Variants in EML6 observed in about 807,000 individuals in gnomAD.
The protein encoded by EML6 is echinoderm microtubule-associated protein-like 6.
EML6 carries 154 observed loss-of-function variants against 240.1 expected under a neutral mutation model. The ratio of observed to expected loss-of-function variants is 0.64; its 90% confidence interval spans 0.56 to 0.73. EML6 has a LOEUF of 0.73. Among genes scored for constraint, EML6 ranks in the 30% least tolerant of loss-of-function variants. EML6 has a pLI of 0.00. For missense variants in EML6, 2,964 were observed against 2,474.6 expected (o/e 1.20, Z -4.20); for synonymous variants, 1,148 against 899.0 (o/e 1.28, Z -4.95).
At chr2:54,787,590 C>A (rs912039403) in intron 2 of EML6, among the ~76,000 whole-genome samples, 1 of 152,058 alleles carries the variant, frequency 6.6e-6, no homozygotes, top group Non-Finnish European at 1.5e-5. Context: ...AGTAATTGAT[C>A]GATAAATAGT....
chr2:54,904,296 G>C (rs1360721670), intron 24 of EML6, among the ~76,000 whole-genome samples: 2 of 152,146 alleles, frequency 1.3e-5, no homozygotes, highest in Admixed American at 6.5e-5. Context: ...TTGCACTATA[G>C]GGTGAGTCAC....
intron 13 of EML6, among the ~76,000 whole-genome samples, chr2:54,865,320 A>AC (rs1650946509): frequency 1.6e-5 from 1 of 63,400 alleles, no homozygotes; most frequent in African/African-American, 7.9e-5. Flanking sequence ...CTCTGTATCT[A>AC]CAAAAAAAAA....
intron 36 of EML6, among the ~76,000 whole-genome samples, chr2:54,963,248 G>A (rs941170947): frequency 3.3e-5 from 5 of 152,220 alleles, no homozygotes; most frequent in Admixed American, 2.6e-4. Flanking sequence ...TGGCTGGTAA[G>A]TGTTTGTTGT....
At chr2:54,952,288 C>G (rs1197151739) in intron 30 of EML6, among the ~76,000 whole-genome samples, 3 of 152,174 alleles carry the variant, frequency 2.0e-5, no homozygotes, top group Non-Finnish European at 4.4e-5. Context: ...TCATTGTGGA[C>G]TCTGGAAACC....
intron 25 of EML6, among the ~76,000 whole-genome samples, chr2:54,913,154 C>G (rs1673733706): frequency 6.9e-6 from 1 of 144,136 alleles, no homozygotes. Flanking sequence ...ATTAGCATTT[C>G]TCCAATGATT....
At chr2:54,927,690 C>T (rs1317446657) in intron 26 of EML6, among the ~76,000 whole-genome samples, 1 of 152,182 alleles carries the variant, frequency 6.6e-6, no homozygotes. Flanking sequence ...GGGCACACCA[C>T]TCCAAAAAGC....
chr2:54,929,530 T>C (rs1310123659), intron 28 of EML6, among the ~76,000 whole-genome samples: 1 of 152,238 alleles, frequency 6.6e-6, no homozygotes, highest in Non-Finnish European at 1.5e-5. Flanking sequence ...CTGTTGGCTG[T>C]TCACATTGAG....
intron 33 of EML6, 101 bp downstream of exon 33, chr2:54,958,099 C>A: frequency 2.0e-6 from 2 of 1,014,986 alleles, no homozygotes; most frequent in Non-Finnish European, 2.8e-6. Context: ...CTGAAAACAG[C>A]AGGAAAGCCA....
chr2:54,812,399 T>C (rs1442697877), intron 2 of EML6, among the ~76,000 whole-genome samples: 1 of 152,182 alleles, frequency 6.6e-6, no homozygotes, highest in Non-Finnish European at 1.5e-5. Flanking sequence ...TTGTATTTGT[T>C]GATTGTATAA....
chr2:54,785,622 C>G (rs1047002647), intron 2 of EML6, among the ~76,000 whole-genome samples: 11 of 152,084 alleles, frequency 7.2e-5, no homozygotes, highest in African/African-American at 2.7e-4. Flanking sequence ...ACATTTATCT[C>G]GACTGTGAAT....
intron 17 of EML6, among the ~76,000 whole-genome samples, chr2:54,889,554 T>C (rs1672347459): frequency 6.6e-6 from 1 of 151,704 alleles, no homozygotes; most frequent in Non-Finnish European, 1.5e-5. Context: ...TTATTGTTTA[T>C]AAATAGAGTC....
At chr2:54,783,420 T>C (rs1352696489) in intron 2 of EML6, among the ~76,000 whole-genome samples, 2 of 152,236 alleles carry the variant, frequency 1.3e-5, no homozygotes, top group African/African-American at 4.8e-5. Context: ...CAAATTGTTT[T>C]CTGTAATACC....
intron 21 of EML6, among the ~76,000 whole-genome samples, chr2:54,898,166 G>T (rs1672865842): frequency 1.3e-5 from 2 of 152,084 alleles, no homozygotes; most frequent in African/African-American, 4.8e-5. Context: ...TGGGTGATCA[G>T]CAGCAAAGCA....
At chr2:54,731,492 T>G (rs1212609246) in intron 2 of EML6, among the ~76,000 whole-genome samples, 1 of 151,936 alleles carries the variant, frequency 6.6e-6, no homozygotes, top group Non-Finnish European at 1.5e-5. Flanking sequence ...ATTAAAAAAT[T>G]TAGCCAGGCA....
At chr2:54,780,806 C>G (rs1668823533) in intron 2 of EML6, among the ~76,000 whole-genome samples, 1 of 152,154 alleles carries the variant, frequency 6.6e-6, no homozygotes, top group Non-Finnish European at 1.5e-5. Flanking sequence ...TTGTGAGTCA[C>G]ACGAATAATG....
At chr2:54,805,305 C>T (rs1016555003) in intron 2 of EML6, among the ~76,000 whole-genome samples, 3 of 152,118 alleles carry the variant, frequency 2.0e-5, no homozygotes. Flanking sequence ...CTTTTGGTTT[C>T]CCTTGGATAA....
intron 13 of EML6, among the ~76,000 whole-genome samples, chr2:54,866,512 A>G (rs1183908585): frequency 1.3e-5 from 2 of 152,232 alleles, no homozygotes; most frequent in Non-Finnish European, 2.9e-5. Flanking sequence ...TTTCCTTTAA[A>G]ATTTACTGAT....
At chr2:54,795,885 G>A (rs1257413621) in intron 2 of EML6, among the ~76,000 whole-genome samples, 1 of 152,128 alleles carries the variant, frequency 6.6e-6, no homozygotes, top group Admixed American at 6.5e-5. Context: ...TACTCATTCA[G>A]CTTAAAAAGC....
At chr2:54,802,619 T>TACTACTACTACC (rs2078328477) in intron 2 of EML6, among the ~76,000 whole-genome samples, 1 of 11,848 alleles carries the variant, frequency 8.4e-5, no homozygotes, top group Non-Finnish European at 1.5e-4. Context: ...CCCTGTCTCA[T>TACTACTACTACC]ACTACTACTA....
Sources: gnomAD v4.1 joint callset for allele counts (sites outside exome capture counted in the v4.1 genomes callset) on GRCh38, gnomAD v4.1.1 for gene constraint, MANE v1.5 for transcripts, NCBI Gene and HGNC (gene_info 2026-07-23, HGNC 2026-07-21) for gene names.